FHAD1: variants seen among roughly 807,000 people sequenced by gnomAD.
FHAD1 encodes the protein forkhead-associated domain-containing protein 1.
In FHAD1, 146 loss-of-function variants were observed where a neutral mutation model predicts 191.3. The ratio of observed to expected loss-of-function variants is 0.76; its 90% confidence interval spans 0.67 to 0.88. FHAD1 has a LOEUF of 0.88. Ranked by LOEUF, FHAD1 falls within the 40% of genes least tolerant of loss-of-function variation. FHAD1 has a pLI of 0.00. For synonymous variants in FHAD1, 616 were observed against 672.3 expected, an observed-to-expected ratio of 0.92 and a Z score of 1.29; for missense variants, 1,635 against 1,785.8, an observed-to-expected ratio of 0.92 and a Z score of 1.52.
intron 28 of FHAD1, 102 bp downstream of exon 28, chr1:15,375,832 G>A (rs1699418192): frequency 7.8e-7 from 1 of 1,289,368 alleles, no homozygotes. Context: ...CATGTCAGTG[G>A]TTTGGGGCTG....
chr1:15,343,498 C>T (rs1399601189), intron 16 of FHAD1, among the ~76,000 whole-genome samples: 1 of 152,124 alleles, frequency 6.6e-6, no homozygotes, highest in Non-Finnish European at 1.5e-5. Flanking sequence ...ACCTGCCCTC[C>T]AGACCTCTCC....
chr1:15,251,527 G>A (rs1646776138), intron 1 of FHAD1, among the ~76,000 whole-genome samples: 1 of 136,058 alleles, frequency 7.3e-6, no homozygotes, highest in South Asian at 2.4e-4. Context: ...CTTAAGAAAT[G>A]CCCTCTGTTT....
At position 15,375,747 on chromosome 1, in the gene FHAD1, C is replaced by A. The variant is rs774103841; in HGVS notation, c.3705+17C>A. The A allele has an allele frequency of 1.8e-5, 28 of 1,523,872 alleles. No individual in the cohort carries two copies. In the South Asian group the frequency reaches 2.4e-4, roughly 13 times the overall value. The allele number at this position is 1,523,872 out of a possible 1,614,324, so 94.4% of individuals were successfully genotyped here. ...ATCCTAGCGGTAACCAAAGAAAATT[C>A]TCTCTGCTGTGACTGGCATGTGGAG... On this transcript the variant is annotated intron_variant, in intron 28 of 33. Transcript: ENST00000688493.
intron 1 of FHAD1, among the ~76,000 whole-genome samples, chr1:15,237,343 C>T (rs1644890233): frequency 6.6e-6 from 1 of 152,164 alleles, no homozygotes; most frequent in East Asian, 1.9e-4. Flanking sequence ...GTTGCGTAGC[C>T]TCCCTCATTC....
At chr1:15,392,389 G>A (rs1299558463) in intron 33 of FHAD1, among the ~76,000 whole-genome samples, 2 of 152,134 alleles carry the variant, frequency 1.3e-5, no homozygotes, top group Non-Finnish European at 2.9e-5. Context: ...AAAATTAGCT[G>A]GGCATGGTGG....
At chr1:15,306,249 G>A (rs1337858190) in intron 6 of FHAD1, among the ~76,000 whole-genome samples, 1 of 152,214 alleles carries the variant, frequency 6.6e-6, no homozygotes, top group Non-Finnish European at 1.5e-5. Context: ...ATAATTTAGT[G>A]TATCCAGCAG....
chr1:15,256,787 G>A (rs904574610), intron 2 of FHAD1, among the ~76,000 whole-genome samples: 2 of 152,050 alleles, frequency 1.3e-5, no homozygotes, highest in African/African-American at 2.4e-5. Flanking sequence ...ATGCAGTGCC[G>A]TGGCTAGGAG....
chr1:15,320,480 CTGTT>C (rs1239787342), intron 10 of FHAD1, among the ~76,000 whole-genome samples: 4 of 151,946 alleles, frequency 2.6e-5, no homozygotes, highest in African/African-American at 9.7e-5. Context: ...GTGGATTTGT[CTGTT>C]TCTTTTTTTA....
At chr1:15,299,199 CAAAAAA>C (rs35299485) in intron 5 of FHAD1, among the ~76,000 whole-genome samples, 1 of 46,390 alleles carries the variant, frequency 2.2e-5, no homozygotes, top group African/African-American at 8.2e-5. Context: ...GACCCTGTCT[CAAAAAA>C]AAAAAAAAAA....
At chr1:15,345,018 C>A in intron 16 of FHAD1, 65 bp from the exon 17 acceptor site, 2 of 1,275,560 alleles carry the variant, frequency 1.6e-6, no homozygotes, top group Non-Finnish European at 2.2e-6. Context: ...ACATGCAGTG[C>A]CTGGCAGCGT....
At chr1:15,267,494 C>T (rs2101104867) in intron 2 of FHAD1, among the ~76,000 whole-genome samples, 1 of 152,198 alleles carries the variant, frequency 6.6e-6, no homozygotes, top group African/African-American at 2.4e-5. Flanking sequence ...ATTCCTCCTG[C>T]TTCTATTTTC....
intron 28 of FHAD1, among the ~76,000 whole-genome samples, chr1:15,379,615 A>G (rs1186518660): frequency 6.6e-6 from 1 of 152,210 alleles, no homozygotes; most frequent in Admixed American, 6.5e-5. Context: ...CCACGAGGCC[A>G]TATTTCAGAC....
intron 2 of FHAD1, among the ~76,000 whole-genome samples, chr1:15,255,340 T>TA (rs1447058514): frequency 6.6e-6 from 1 of 152,238 alleles, no homozygotes; most frequent in Admixed American, 6.5e-5. Context: ...TATTGTTTTT[T>TA]AAAAAATTGG....
intron 14 of FHAD1, among the ~76,000 whole-genome samples, chr1:15,333,135 T>C (rs980030424): frequency 6.6e-6 from 1 of 152,188 alleles, no homozygotes; most frequent in Non-Finnish European, 1.5e-5. Flanking sequence ...GGGCCCATCT[T>C]TTGTCCACTC....
intron 31 of FHAD1, among the ~76,000 whole-genome samples, chr1:15,382,931 A>G (rs1166091011): frequency 2.0e-5 from 3 of 152,248 alleles, no homozygotes; most frequent in African/African-American, 7.2e-5. Flanking sequence ...AGAGTTGGAA[A>G]TAACACTGGC....
Position 15,381,953 on chromosome 1 carries a change from C to T in FHAD1, c.4023-75C>T, listed in dbSNP as rs1701014746. The T allele has an allele frequency of 4.0e-6, 6 of 1,496,292 alleles. No individual in the cohort carries two copies. In the East Asian group the frequency reaches 1.2e-4, roughly 31 times the overall value. The allele number at this position is 1,496,292 out of a possible 1,614,324, so 92.7% of individuals were successfully genotyped here. On this transcript the variant is annotated intron_variant, in intron 30 of 33. Coordinates refer to ENST00000688493, the MANE Select transcript of FHAD1 (RefSeq NM_001391957.1). This position sits in a 1 kb window ranked among gnomAD's most constrained non-coding sequence, Gnocchi z 4.6. ...CCCACTGTGGATGTATTTTGAGAGA[C>T]TTCCGGGTCTGGCACATTGATGATG... is the stretch of plus-strand genomic sequence containing the variant.
At chr1:15,360,883 G>C (rs982210333) in intron 22 of FHAD1, among the ~76,000 whole-genome samples, 180 bp downstream of exon 22, 4 of 152,138 alleles carry the variant, frequency 2.6e-5, no homozygotes, top group Non-Finnish European at 4.4e-5. Context: ...CGAGGCCCAG[G>C]TTCAGCAGAA....
Position 15,329,588 on chromosome 1 carries a change from C to T in FHAD1, c.1906+47C>T, listed in dbSNP as rs201074197. 5.0e-5 allele frequency: 75 copies of T among 1,507,610 alleles called. 1 individual carries two copies. The highest frequency in any genetic ancestry group is 3.4e-4 in the Middle Eastern group (2 of 5,938). 93.4% of individuals were successfully genotyped at this position (1,507,610 alleles called of 1,614,324 possible). A position where few individuals can be genotyped will look rare whatever the true frequency, so the allele number is the denominator to read the frequency against. ...ACATGGTTGCATGACTCTAAAATGT[C>T]GCGTTGAATCTCAGCATGATGGGAC... On this transcript the variant is annotated intron_variant, in intron 14 of 33. Coordinates refer to ENST00000688493, the MANE Select transcript of FHAD1 (RefSeq NM_001391957.1). The surrounding 1 kb of genome is among the most constrained non-coding windows in gnomAD (Gnocchi z 5.0).
At chr1:15,342,078 G>A (rs1220506630) in intron 16 of FHAD1, among the ~76,000 whole-genome samples, 190 bp downstream of exon 16, 1 of 152,242 alleles carries the variant, frequency 6.6e-6, no homozygotes, top group Non-Finnish European at 1.5e-5. Context: ...AAAACTCACA[G>A]CAAAATCAAC....
Sources: allele counts gnomAD v4.1 joint callset (sites outside exome capture counted in the v4.1 genomes callset), GRCh38; gene constraint gnomAD v4.1.1; non-coding constraint Gnocchi (gnomAD v3.1); transcripts MANE v1.5; gene names NCBI Gene and HGNC (gene_info 2026-07-23, HGNC 2026-07-21).